RBPJ: variants seen among roughly 807,000 people sequenced by gnomAD.
RBPJ encodes recombining binding protein suppressor of hairless.
Under a neutral mutation model 67.8 loss-of-function variants are expected in RBPJ, and 9 were observed. The ratio of observed to expected loss-of-function variants is 0.13; its 90% CI spans 0.08 to 0.23. The LOEUF is 0.23. Ranked by LOEUF, RBPJ falls within the 10% of genes least tolerant of loss-of-function variation. RBPJ has a pLI of 1.00. For synonymous variants in RBPJ, 198 were observed against 203.3 expected (o/e 0.97, Z 0.22); for missense variants, 305 against 595.6 (o/e 0.51, Z 5.08).
chr4:26,392,887 AGTG>A (rs1193110015), intron 2 of RBPJ, among the ~76,000 whole-genome samples: 3 of 152,350 alleles, frequency 2.0e-5, no homozygotes, highest in East Asian at 3.9e-4. Flanking sequence ...GAAAGGGATT[AGTG>A]TATCTTCTTG....
the RBPJ span, among the ~76,000 whole-genome samples, chr4:26,116,094 C>A: frequency 1.3e-5 from 2 of 152,212 alleles, no homozygotes; most frequent in Non-Finnish European, 2.9e-5. Context: ...ATAAAATTGA[C>A]CATTTCTCAT....
upstream of RBPJ, among the ~76,000 whole-genome samples, chr4:26,316,452 T>TATATACATTC (rs1722624257): frequency 7.1e-6 from 1 of 141,400 alleles, no homozygotes; most frequent in African/African-American, 2.7e-5. Context: ...TATACATTCA[T>TATATACATTC]ATATACATTC....
At chr4:26,167,723 A>G (rs1314783718) in intron 1 of RBPJ, among the ~76,000 whole-genome samples, 6 of 140,034 alleles carry the variant, frequency 4.3e-5, no homozygotes, top group Admixed American at 7.3e-5. Context: ...TCTCCTGCCT[A>G]ATTGCCCTGG....
intron 1 of RBPJ, among the ~76,000 whole-genome samples, chr4:26,376,470 C>A (rs1482835304): frequency 6.6e-6 from 1 of 152,228 alleles, no homozygotes; most frequent in African/African-American, 2.4e-5. Flanking sequence ...CCTTTTCAGG[C>A]TGAATCATAT....
At chr4:26,302,476 T>C (rs1722106427) in intron 1 of RBPJ, among the ~76,000 whole-genome samples, 1 of 152,276 alleles carries the variant, frequency 6.6e-6, no homozygotes, top group Non-Finnish European at 1.5e-5. Flanking sequence ...CTACAAGTAA[T>C]GTACTAGATC....
At chr4:26,109,425 C>CTCTCTCTCT in the RBPJ span, among the ~76,000 whole-genome samples, 1 of 22,892 alleles carries the variant, frequency 4.4e-5, no homozygotes, top group Middle Eastern at 0.026. Flanking sequence ...TCTCTCTCTC[C>CTCTCTCTCT]CTCTCTCTCT....
intron 2 of RBPJ, among the ~76,000 whole-genome samples, chr4:26,387,316 G>A (rs964476821): frequency 6.6e-6 from 1 of 152,030 alleles, no homozygotes; most frequent in African/African-American, 2.4e-5. Flanking sequence ...GGTTATCAAG[G>A]TAAATAATGA....
At chr4:26,272,194 C>G (rs1245210693) in intron 1 of RBPJ, among the ~76,000 whole-genome samples, 1 of 151,958 alleles carries the variant, frequency 6.6e-6, no homozygotes, top group Non-Finnish European at 1.5e-5. Flanking sequence ...TAGATATATG[C>G]AGGAAAGAAA....
chr4:26,117,085 A>G, the RBPJ span, among the ~76,000 whole-genome samples: 1 of 152,234 alleles, frequency 6.6e-6, no homozygotes. Context: ...CACTCAATTT[A>G]TAACACTTAG....
chr4:26,262,625 GCTT>G (rs1413934089), intron 1 of RBPJ, among the ~76,000 whole-genome samples: 1 of 152,066 alleles, frequency 6.6e-6, no homozygotes, highest in Non-Finnish European at 1.5e-5. Context: ...CTGAATGTCT[GCTT>G]TTTTGACATT....
chr4:26,396,629 C>A (rs1485620131), intron 2 of RBPJ, among the ~76,000 whole-genome samples: 1 of 152,252 alleles, frequency 6.6e-6, no homozygotes, highest in Non-Finnish European at 1.5e-5. Context: ...CCATTGCTCT[C>A]AATGTAACGG....
intron 1 of RBPJ, among the ~76,000 whole-genome samples, chr4:26,251,125 C>G (rs1720094993): frequency 6.6e-6 from 1 of 152,078 alleles, no homozygotes; most frequent in Non-Finnish European, 1.5e-5. Context: ...CAGCTTCTAA[C>G]CAAATATTAC....
intron 1 of RBPJ, among the ~76,000 whole-genome samples, chr4:26,239,057 C>G (rs1480696764): frequency 2.0e-5 from 3 of 152,092 alleles, no homozygotes. Flanking sequence ...GCCCTATTCC[C>G]CAACCCCCAC....
the RBPJ span, among the ~76,000 whole-genome samples, chr4:26,116,362 T>G: frequency 6.6e-6 from 1 of 152,218 alleles, no homozygotes; most frequent in African/African-American, 2.4e-5. Flanking sequence ...AAAGAAAATC[T>G]TACCTGTTCT....
intron 1 of RBPJ, among the ~76,000 whole-genome samples, chr4:26,172,782 T>C (rs1716642439): frequency 6.6e-6 from 1 of 152,164 alleles, no homozygotes; most frequent in African/African-American, 2.4e-5. Context: ...TGATTCCCAT[T>C]TTACAGGTGA....
At chr4:26,353,734 G>A (rs573710667) in intron 1 of RBPJ, among the ~76,000 whole-genome samples, 8 of 150,298 alleles carry the variant, frequency 5.3e-5, no homozygotes, top group African/African-American at 9.8e-5. Flanking sequence ...TCAGCCTCCC[G>A]AGTAGCTGGG....
intron 1 of RBPJ, among the ~76,000 whole-genome samples, chr4:26,233,737 C>A (rs1028206544): frequency 2.6e-5 from 4 of 152,188 alleles, no homozygotes; most frequent in African/African-American, 9.6e-5. Flanking sequence ...ATCAAGATCT[C>A]ATTGATATAA....
At chr4:26,222,048 G>A (rs1468421286) in intron 1 of RBPJ, among the ~76,000 whole-genome samples, 1 of 152,186 alleles carries the variant, frequency 6.6e-6, no homozygotes, top group Non-Finnish European at 1.5e-5. Flanking sequence ...CCACTTTGAC[G>A]AGGGGCCCTA....
intron 1 of RBPJ, among the ~76,000 whole-genome samples, chr4:26,216,298 C>G (rs1028612766): frequency 6.6e-6 from 1 of 152,080 alleles, no homozygotes; most frequent in Non-Finnish European, 1.5e-5. Flanking sequence ...AAGAACATAT[C>G]ATTTGGGAAG....
Sources: gnomAD v4.1 joint callset for allele counts (sites outside exome capture counted in the v4.1 genomes callset) on GRCh38, gnomAD v4.1.1 for gene constraint, MANE v1.5 for transcripts, NCBI Gene and HGNC (gene_info 2026-07-23, HGNC 2026-07-21) for gene names.